CDA: variants seen among roughly 807,000 people sequenced by gnomAD.
The protein encoded by CDA is cytidine aminohydrolase.
In CDA, 7 loss-of-function variants were observed where a neutral mutation model predicts 15.0. The ratio of observed to expected loss-of-function variants is 0.47; its 90% CI spans 0.26 to 0.87. CDA has a LOEUF of 0.87. CDA is among the 40% of genes least tolerant of loss of function. The probability of loss-of-function intolerance (pLI) is 0.15; values close to 1 mark genes in which losing one functional copy is unlikely to be tolerated. For synonymous variants in CDA, 58 were observed against 73.0 expected, an observed-to-expected ratio of 0.79 and a Z score of 1.05; for missense variants, 159 against 182.7, an observed-to-expected ratio of 0.87 and a Z score of 0.75.
intron 3 of CDA, 132 bp from the exon 4 acceptor site, chr1:20,618,320 C>G (rs1454056606): frequency 2.9e-6 from 2 of 692,356 alleles, no homozygotes; most frequent in African/African-American, 3.6e-5. Flanking sequence ...TATGGTCATT[C>G]CCCTTTTACA....
At chr1:20,594,862 G>A (rs914411765) in intron 1 of CDA, among the ~76,000 whole-genome samples, 1 of 152,090 alleles carries the variant, frequency 6.6e-6, no homozygotes, top group Non-Finnish European at 1.5e-5. Flanking sequence ...AACGGAGTCA[G>A]CTCCGGGCCT....
chr1:20,617,654 G>A (rs771445687), intron 3 of CDA, among the ~76,000 whole-genome samples: 7 of 151,836 alleles, frequency 4.6e-5, no homozygotes, highest in Admixed American at 4.6e-4. Context: ...CCCCAGCCAT[G>A]TGGAACTGTG....
In CDA at chr1:20,597,974, C is replaced by T. The variant is rs1046284794; in HGVS notation, c.155-6954C>T. ...GGCTCCAAATACAGTTATTCCTCTG[C>T]GTCTTAAGCATCTAGAACTGAAGTG... On this transcript the variant is annotated intron_variant, in intron 1 of 3. Coordinates refer to ENST00000375071, the MANE Select transcript of CDA (RefSeq NM_001785.3). Among the ~76,000 whole-genome samples the T allele has an allele frequency of 6.6e-5, 10 of 150,800 alleles. No individual in the cohort carries two copies. In the East Asian group the frequency reaches 1.2e-3, roughly 18 times the overall value.
intron 1 of CDA, among the ~76,000 whole-genome samples, chr1:20,601,978 A>G (rs969528260): frequency 1.3e-5 from 2 of 151,954 alleles, no homozygotes; most frequent in Non-Finnish European, 2.9e-5. Context: ...AAAATTAGCC[A>G]GGTGTGGTGA....
intron 1 of CDA, among the ~76,000 whole-genome samples, chr1:20,593,940 G>C (rs1402192269): frequency 2.0e-5 from 3 of 152,236 alleles, no homozygotes; most frequent in Non-Finnish European, 4.4e-5. Context: ...GGTGGATGCA[G>C]TAAGTTGGGG....
intron 2 of CDA, among the ~76,000 whole-genome samples, chr1:20,606,001 A>C (rs2052692614): frequency 7.9e-6 from 1 of 126,264 alleles, no homozygotes; most frequent in African/African-American, 2.8e-5. Context: ...TGGGGACTGC[A>C]CAGAAGCAAG....
chr1:20,589,107 T>C lies in CDA; in HGVS notation c.-23T>C, dbSNP rs1473626960. ...CCGGAGCTCCTGTTTCCCGCTGCTC[T>C]GCTGCCTGCCCGGGGTACCAACATG... On this transcript the variant is annotated 5_prime_UTR_variant, in exon 1 of 4. Coordinates refer to ENST00000375071, the MANE Select transcript of CDA (RefSeq NM_001785.3). 1 of 1,613,932 alleles carries C rather than the reference T, an allele frequency of 6.2e-7. No homozygotes were observed. The highest frequency in any genetic ancestry group is 1.1e-5 in the South Asian group (1 of 91,082).
chr1:20,598,317 C>T (rs2052607804), intron 1 of CDA, among the ~76,000 whole-genome samples: 1 of 152,176 alleles, frequency 6.6e-6, no homozygotes, highest in Non-Finnish European at 1.5e-5. Flanking sequence ...TAGTGTTCCT[C>T]CCCTCCAGAG....
At chr1:20,613,311 C>G (rs1557551476) in intron 2 of CDA, among the ~76,000 whole-genome samples, 1 of 151,832 alleles carries the variant, frequency 6.6e-6, no homozygotes, top group Non-Finnish European at 1.5e-5. Flanking sequence ...TCAAGCGATT[C>G]TTCTGCCTCA....
At chr1:20,600,753 C>A (rs941420650) in intron 1 of CDA, among the ~76,000 whole-genome samples, 346 of 120,906 alleles carry the variant, frequency 2.9e-3, no homozygotes, top group African/African-American at 3.7e-3. Flanking sequence ...GACTCTGTCT[C>A]AAAAAAAAAA....
At chr1:20,608,673 G>A (rs1210505289) in intron 2 of CDA, among the ~76,000 whole-genome samples, 2 of 152,218 alleles carry the variant, frequency 1.3e-5, no homozygotes, top group African/African-American at 4.8e-5. Flanking sequence ...GCCTCCCAAA[G>A]TGCTGGGATT....
intron 1 of CDA, among the ~76,000 whole-genome samples, chr1:20,590,925 T>C (rs2052541981): frequency 6.6e-6 from 1 of 152,128 alleles, no homozygotes; most frequent in South Asian, 2.1e-4. Context: ...CTGCCTTCCA[T>C]CCATGCTTTC....
chr1:20,591,317 G>A (rs1024745598), intron 1 of CDA, among the ~76,000 whole-genome samples: 2 of 152,060 alleles, frequency 1.3e-5, no homozygotes, highest in African/African-American at 4.8e-5. Flanking sequence ...CTCCAGCCTG[G>A]GCGACAGAGC....
intron 1 of CDA, among the ~76,000 whole-genome samples, chr1:20,589,571 G>A (rs2052529859): frequency 6.6e-6 from 1 of 152,194 alleles, no homozygotes; most frequent in African/African-American, 2.4e-5. Flanking sequence ...CAGTCCTGGG[G>A]TGCAGGCAGG....
chr1:20,600,956 A>G (rs28646077), intron 1 of CDA, among the ~76,000 whole-genome samples: 1 of 152,174 alleles, frequency 6.6e-6, no homozygotes, highest in Non-Finnish European at 1.5e-5. Flanking sequence ...AAAAGCTCTC[A>G]GGGTTGCAAC....
intron 3 of CDA, among the ~76,000 whole-genome samples, chr1:20,615,342 C>A (rs1312117119): frequency 6.6e-6 from 1 of 151,238 alleles, no homozygotes; most frequent in Non-Finnish European, 1.5e-5. Context: ...ACTCTAAAAA[C>A]AAAACGGTAA....
At chr1:20,594,200 C>T (rs1245724241) in intron 1 of CDA, among the ~76,000 whole-genome samples, 2 of 152,218 alleles carry the variant, frequency 1.3e-5, no homozygotes, top group Admixed American at 6.5e-5. Context: ...GCTGCAAAGA[C>T]GGCCTTGCTA....
intron 1 of CDA, among the ~76,000 whole-genome samples, chr1:20,598,609 G>T (rs1475864814): frequency 6.6e-6 from 1 of 152,230 alleles, no homozygotes; most frequent in Admixed American, 6.5e-5. Context: ...CTTGGCGAGG[G>T]CCCTCTTTCT....
At chr1:20,617,496 C>A (rs930327375) in intron 3 of CDA, among the ~76,000 whole-genome samples, 1 of 151,978 alleles carries the variant, frequency 6.6e-6, no homozygotes, top group Non-Finnish European at 1.5e-5. Flanking sequence ...GCGGGTCTTT[C>A]CCACGCTGTT....
Sources: allele counts gnomAD v4.1 joint callset (sites outside exome capture counted in the v4.1 genomes callset), GRCh38; gene constraint gnomAD v4.1.1; transcripts MANE v1.5; gene names NCBI Gene and HGNC (gene_info 2026-07-23, HGNC 2026-07-21).